Variants in LRRC4C observed in about 807,000 individuals in gnomAD.
The protein encoded by LRRC4C is leucine-rich repeat-containing protein 4C.
LRRC4C carries 5 observed loss-of-function variants against 33.6 expected under a neutral mutation model. The ratio of observed to expected loss-of-function variants is 0.15; its 90% CI spans 0.08 to 0.31. LRRC4C has a LOEUF of 0.31. LRRC4C is among the 10% of genes least tolerant of loss of function. The pLI, the probability that LRRC4C is intolerant of heterozygous loss-of-function variation, is 1.00. For synonymous variants in LRRC4C, 329 were observed against 302.0 expected (o/e 1.09, Z -0.93); for missense variants, 560 against 796.7 (o/e 0.70, Z 3.58).
intron 4 of LRRC4C, among the ~76,000 whole-genome samples, chr11:40,318,111 A>G (rs1362822074): frequency 6.6e-6 from 1 of 152,076 alleles, no homozygotes; most frequent in East Asian, 1.9e-4. Flanking sequence ...ACATCACTAT[A>G]CTCGTCTATG....
At chr11:40,766,158 G>A (rs1949444292) in intron 2 of LRRC4C, among the ~76,000 whole-genome samples, 1 of 150,092 alleles carries the variant, frequency 6.7e-6, no homozygotes. Context: ...CATAGGCCAG[G>A]AGAGAGAAAG....
At chr11:40,803,338 G>T (rs908214142) in intron 2 of LRRC4C, among the ~76,000 whole-genome samples, 2 of 152,126 alleles carry the variant, frequency 1.3e-5, no homozygotes, top group Non-Finnish European at 2.9e-5. Context: ...CTACAAGCTT[G>T]GTCCAAACAT....
At chr11:41,218,138 C>T (rs1444829595) in intron 1 of LRRC4C, among the ~76,000 whole-genome samples, 1 of 14,810 alleles carries the variant, frequency 6.8e-5, no homozygotes, top group South Asian at 6.2e-3. Context: ...CTCAAGGTCA[C>T]CAAAAAAAAA....
At chr11:40,261,928 T>C (rs1324175706) in intron 4 of LRRC4C, among the ~76,000 whole-genome samples, 1 of 152,134 alleles carries the variant, frequency 6.6e-6, no homozygotes, top group Admixed American at 6.5e-5. Flanking sequence ...GGGCAAAGAC[T>C]TCATGACTAA....
At chr11:41,269,612 G>A (rs959238969) in intron 1 of LRRC4C, among the ~76,000 whole-genome samples, 86 of 152,198 alleles carry the variant, frequency 5.7e-4, no homozygotes, top group Non-Finnish European at 1.1e-3. Context: ...TGACACGGTC[G>A]ATTGTCTTGG....
At chr11:40,492,158 C>A (rs574636459) in intron 3 of LRRC4C, among the ~76,000 whole-genome samples, 1 of 152,254 alleles carries the variant, frequency 6.6e-6, no homozygotes, top group South Asian at 2.1e-4. Flanking sequence ...ACTAAATATG[C>A]AAGACCATAC....
At chr11:40,380,551 C>A (rs942824268) in intron 3 of LRRC4C, among the ~76,000 whole-genome samples, 1 of 152,150 alleles carries the variant, frequency 6.6e-6, no homozygotes, top group Non-Finnish European at 1.5e-5. Context: ...CAGGTTGTTT[C>A]ATTTCTGTGA....
intron 2 of LRRC4C, among the ~76,000 whole-genome samples, chr11:40,931,781 A>G (rs1957637602): frequency 1.3e-5 from 2 of 152,056 alleles, no homozygotes; most frequent in South Asian, 4.2e-4. Flanking sequence ...AAGTTTTAGA[A>G]TTCTTCCTCC....
rs748457357 is a variant in LRRC4C, at chr11:41,445,865, C to CGTGTGT, written c.-496+13565_-496+13566insACACAC. Among the ~76,000 whole-genome samples, 17 of 135,554 alleles carry CGTGTGT rather than the reference C, an allele frequency of 1.3e-4. 1 individual carries two copies. The highest frequency in any genetic ancestry group is 5.0e-4 in the Admixed American group (7 of 13,924). The allele number at this position is 135,554 out of a possible 152,430, so 88.9% of individuals were successfully genotyped here. Reference sequence around the variant, plus strand: ...CACAGTGTGTATGAATGAGTGACTGCATGTGTGTGTGTGTGTGTGTGTGTG... The same window carrying CGTGTGT: ...CACAGTGTGTATGAATGAGTGACTGCGTGTGTATGTGTGTGTGTGTGTGTGTGTGTG... On this transcript the variant is annotated intron_variant, in intron 1 of 6. Coordinates refer to ENST00000528697, the MANE Select transcript of LRRC4C (RefSeq NM_001258419.2).
rs200263249 is a variant in LRRC4C, at chr11:41,319,144, CA to C, written c.-496+140286del. Among the ~76,000 whole-genome samples, 1,081 of 152,226 alleles carry C rather than the reference CA, an allele frequency of 7.1e-3. 8 individuals are homozygous for C. Among genetic ancestry groups the C allele is most frequent in the African/African-American group, 0.024 (989 of 41,520 alleles). ...TGACTTCCATGAGAACCTAAAGCCA[CA>C]TGATGCCACATGGATTTTATCTATG... On this transcript the variant is annotated intron_variant, in intron 1 of 6. Coordinates refer to ENST00000528697, the MANE Select transcript of LRRC4C (RefSeq NM_001258419.2).
intron 1 of LRRC4C, among the ~76,000 whole-genome samples, chr11:41,166,864 A>T (rs186757337): frequency 6.6e-6 from 1 of 152,320 alleles, no homozygotes; most frequent in East Asian, 1.9e-4. Flanking sequence ...TTTTACAGAC[A>T]CCATGGCAAT....
chr11:41,087,537 C>G (rs964485345), intron 1 of LRRC4C, among the ~76,000 whole-genome samples: 3 of 151,988 alleles, frequency 2.0e-5, no homozygotes, highest in Non-Finnish European at 4.4e-5. Context: ...CGATATTACC[C>G]AGGCTGGTTT....
At chr11:41,222,276 C>T (rs1396049577) in intron 1 of LRRC4C, among the ~76,000 whole-genome samples, 6 of 152,190 alleles carry the variant, frequency 3.9e-5, no homozygotes, top group Non-Finnish European at 8.8e-5. Context: ...GGTTCTATCA[C>T]TTAACAGCTG....
chr11:40,909,138 G>A (rs1956555687), intron 2 of LRRC4C, among the ~76,000 whole-genome samples: 1 of 152,112 alleles, frequency 6.6e-6, no homozygotes, highest in South Asian at 2.1e-4. Context: ...GAGGGTAGGG[G>A]TTGGAAATAA....
At position 41,182,942 on chromosome 11, in the gene LRRC4C, C is replaced by G. The variant is rs958465956; in HGVS notation, c.-495-249219G>C. 2.0e-5 allele frequency among the ~76,000 whole-genome samples: 3 copies of G among 151,756 alleles called. No homozygotes were observed. In the East Asian group the frequency reaches 5.8e-4, roughly 29 times the overall value. On this transcript the variant is annotated intron_variant, in intron 1 of 6. Transcript: ENST00000528697. Reference sequence around the variant, plus strand: ...GAAGGCAAGGAGGAGCAAATCACATCTTACATGGATGGTGACAGGAAGAGA... The same window carrying G: ...GAAGGCAAGGAGGAGCAAATCACATGTTACATGGATGGTGACAGGAAGAGA...
At chr11:41,252,143 G>A (rs1386943965) in intron 1 of LRRC4C, among the ~76,000 whole-genome samples, 1 of 152,198 alleles carries the variant, frequency 6.6e-6, no homozygotes, top group Non-Finnish European at 1.5e-5. Flanking sequence ...CAATAAGGAA[G>A]AGGGATTGAA....
chr11:40,521,093 A>G (rs10768605), intron 3 of LRRC4C, among the ~76,000 whole-genome samples: 51,509 of 152,056 alleles, frequency 0.34, 10,512 homozygotes, highest in East Asian at 0.65. Flanking sequence ...GAAATGTAGG[A>G]GAAATTATTT....
In LRRC4C at chr11:40,670,177, T is replaced by C. The variant is rs552455870; in HGVS notation, c.-406-21899A>G. On this transcript the variant is annotated intron_variant, in intron 2 of 6. Coordinates refer to ENST00000528697, the MANE Select transcript of LRRC4C (RefSeq NM_001258419.2). ...ATCTCAGGAGTGGAGAACATTATAG[T>C]CACTTAAAGGTGAAGTCTGGGGTAT... Among the ~76,000 whole-genome samples the C allele has an allele frequency of 7.1e-4, 108 of 152,306 alleles. 1 individual carries two copies. The highest frequency in any genetic ancestry group is 2.5e-3 in the African/African-American group (104 of 41,564).
intron 1 of LRRC4C, among the ~76,000 whole-genome samples, chr11:41,329,377 A>G (rs1164310901): frequency 6.6e-6 from 1 of 152,274 alleles, no homozygotes; most frequent in East Asian, 1.9e-4. Flanking sequence ...ATGTGCATCA[A>G]ATTTAATATG....
Sources: allele counts gnomAD v4.1 joint callset (sites outside exome capture counted in the v4.1 genomes callset), GRCh38; gene constraint gnomAD v4.1.1; transcripts MANE v1.5; gene names NCBI Gene and HGNC (gene_info 2026-07-23, HGNC 2026-07-21).